EYS: variants seen among roughly 807,000 people sequenced by gnomAD.
EYS encodes protein eyes shut homolog.
A neutral mutation model predicts 282.1 loss-of-function variants in EYS; 250 were observed. That is an observed-to-expected ratio of 0.89 (90% CI 0.80 to 0.98). The LOEUF is 0.98. EYS is among the 50% of genes least tolerant of loss of function. The probability of loss-of-function intolerance (pLI) is 0.00; values close to 1 mark genes in which losing one functional copy is unlikely to be tolerated. For missense variants in EYS, 4,016 were observed against 3,709.0 expected, an observed-to-expected ratio of 1.08 and a Z score of -2.15; for synonymous variants, 1,355 against 1,282.9, an observed-to-expected ratio of 1.06 and a Z score of -1.20.
At chr6:63,750,769 G>C (rs755554624) in intron 41 of EYS, among the ~76,000 whole-genome samples, 1 of 152,170 alleles carries the variant, frequency 6.6e-6, no homozygotes, top group Non-Finnish European at 1.5e-5. Context: ...CTGGAATTCC[G>C]TCTTTGTCTT....
chr6:65,234,176 A>G (rs1766862083), intron 12 of EYS, among the ~76,000 whole-genome samples: 1 of 152,180 alleles, frequency 6.6e-6, no homozygotes, highest in Non-Finnish European at 1.5e-5. Context: ...ACAAATCTGC[A>G]GAGCTCTTTG....
intron 19 of EYS, among the ~76,000 whole-genome samples, chr6:64,837,684 G>T (rs1219554604): frequency 1.4e-5 from 2 of 141,118 alleles, no homozygotes; most frequent in African/African-American, 2.6e-5. Flanking sequence ...ATATATATAG[G>T]ATATATATAT....
At chr6:65,645,739 C>T (rs1317993701) in intron 1 of EYS, among the ~76,000 whole-genome samples, 2 of 151,800 alleles carry the variant, frequency 1.3e-5, no homozygotes, top group Non-Finnish European at 2.9e-5. Flanking sequence ...AAACAAAAAG[C>T]TAGTTATTTG....
chr6:65,609,144 GGTTT>G (rs1765905619), intron 2 of EYS, among the ~76,000 whole-genome samples: 1 of 151,896 alleles, frequency 6.6e-6, no homozygotes, highest in Non-Finnish European at 1.5e-5. Flanking sequence ...CAGAGCAGTA[GGTTT>G]GTTTTCACCA....
chr6:63,969,385 A>G (rs1693921033), intron 35 of EYS, among the ~76,000 whole-genome samples: 1 of 152,200 alleles, frequency 6.6e-6, no homozygotes, highest in Admixed American at 6.5e-5. Context: ...ATGAATTTGC[A>G]TTTAAAAAAG....
At chr6:63,888,499 G>T (rs919075637) in intron 35 of EYS, among the ~76,000 whole-genome samples, 4 of 152,208 alleles carry the variant, frequency 2.6e-5, no homozygotes, top group Non-Finnish European at 5.9e-5. Context: ...AGGGAAACAA[G>T]GTCTGGAGTG....
intron 26 of EYS, among the ~76,000 whole-genome samples, chr6:64,564,195 C>T (rs572709484): frequency 1.3e-5 from 2 of 148,298 alleles, no homozygotes; most frequent in Non-Finnish European, 3.0e-5. Flanking sequence ...ATGGCTGTAC[C>T]AATTTACATT....
At chr6:64,261,024 C>T (rs1434544854) in intron 30 of EYS, among the ~76,000 whole-genome samples, 5 of 151,538 alleles carry the variant, frequency 3.3e-5, no homozygotes, top group East Asian at 1.9e-4. Flanking sequence ...TTTTTGTGTT[C>T]GGAATATTCC....
In EYS at chr6:64,193,160, A is replaced by G. The variant is rs183999554; in HGVS notation, c.6424+37432T>C. 4.9e-4 allele frequency among the ~76,000 whole-genome samples: 75 copies of G among 152,344 alleles called. 1 individual carries two copies. In the East Asian group the frequency reaches 0.013, roughly 26 times the overall value. On this transcript the variant is annotated intron_variant, in intron 31 of 42. Coordinates refer to ENST00000503581, the MANE Select transcript of EYS (RefSeq NM_001142800.2). ...ATCAGCTTGTCACATTTTACAAAAT[A>G]AAATTGAAGTAATTTTGATTGGAAT... is the stretch of plus-strand genomic sequence containing the variant.
intron 11 of EYS, among the ~76,000 whole-genome samples, chr6:65,326,011 T>C (rs1417052356): frequency 6.6e-6 from 1 of 152,130 alleles, no homozygotes; most frequent in Non-Finnish European, 1.5e-5. Context: ...TTGTTCCCTT[T>C]GATCATAATT....
chr6:64,100,869 A>G (rs985143112), intron 31 of EYS, among the ~76,000 whole-genome samples: 1 of 150,808 alleles, frequency 6.6e-6, no homozygotes, highest in Non-Finnish European at 1.5e-5. Context: ...TCTGTTAGGC[A>G]CTCCCCCTCC....
intron 11 of EYS, among the ~76,000 whole-genome samples, chr6:65,298,573 G>C (rs1232484146): frequency 1.3e-5 from 2 of 151,712 alleles, no homozygotes; most frequent in African/African-American, 4.8e-5. Flanking sequence ...TTTAAAATTT[G>C]ACGAGTTGTG....
intron 36 of EYS, chr6:63,821,443 T>TAGAAA (rs141887648): frequency 1.3e-5 from 2 of 152,300 alleles, no homozygotes; most frequent in African/African-American, 4.8e-5. Context: ...GGAAGGGTTT[T>TAGAAA]AGAAACACAA....
intron 32 of EYS, among the ~76,000 whole-genome samples, chr6:64,067,403 C>A (rs1771410384): frequency 6.6e-6 from 1 of 152,090 alleles, no homozygotes; most frequent in South Asian, 2.1e-4. Context: ...TGCTCTTCAT[C>A]AAAAGTAACC....
chr6:65,170,091 T>C (rs912789775), intron 12 of EYS, among the ~76,000 whole-genome samples: 1 of 151,534 alleles, frequency 6.6e-6, no homozygotes, highest in Non-Finnish European at 1.5e-5. Context: ...AGGGACACTT[T>C]CCTGAGTGAG....
chr6:64,679,112 C>A (rs527681562), intron 22 of EYS, among the ~76,000 whole-genome samples: 3 of 151,768 alleles, frequency 2.0e-5, no homozygotes. Flanking sequence ...CATTTCTATC[C>A]TCTTCTCTGC....
rs4034161 is a variant in EYS, at chr6:64,564,268, C to CTTTTTTTTTTTTTT, written c.5644+25941_5644+25954dup. ...TCCTCATCAACACGTATCTTTTGTC[C>CTTTTTTTTTTTTTT]TTTTTTTTTTTTTTTTTTTTTTTTT... On this transcript the variant is annotated intron_variant, in intron 26 of 42. Coordinates refer to ENST00000503581, the MANE Select transcript of EYS (RefSeq NM_001142800.2). Among the ~76,000 whole-genome samples, 4 of 59,386 alleles carry CTTTTTTTTTTTTTT rather than the reference C, an allele frequency of 6.7e-5. 1 individual carries two copies. The highest frequency in any genetic ancestry group is 1.3e-4 in the African/African-American group (2 of 15,142). The allele number at this position is 59,386 out of a possible 152,430, so 39.0% of individuals were successfully genotyped here. A position where few individuals can be genotyped will look rare whatever the true frequency, so the allele number is the denominator to read the frequency against.
chr6:64,255,878 T>C (rs1008181119), intron 30 of EYS, among the ~76,000 whole-genome samples: 1 of 152,046 alleles, frequency 6.6e-6, no homozygotes. Flanking sequence ...ATTTTATGTT[T>C]CCTGACCTCA....
intron 35 of EYS, among the ~76,000 whole-genome samples, chr6:63,897,249 T>G (rs1411807543): frequency 6.6e-6 from 1 of 152,210 alleles, no homozygotes; most frequent in Non-Finnish European, 1.5e-5. Flanking sequence ...AGGCATGTAG[T>G]AGGCTGAACA....
Sources: gnomAD v4.1 joint callset for allele counts (sites outside exome capture counted in the v4.1 genomes callset) on GRCh38, gnomAD v4.1.1 for gene constraint, MANE v1.5 for transcripts, NCBI Gene and HGNC (gene_info 2026-07-23, HGNC 2026-07-21) for gene names.